ADAMTS13: variants seen among roughly 807,000 people sequenced by gnomAD.
The protein encoded by ADAMTS13 is ADAM metallopeptidase with thrombospondin type 1 motif 13, also known as A disintegrin and metalloproteinase with thrombospondin motifs 13.
A neutral mutation model predicts 155.1 loss-of-function variants in ADAMTS13; 110 were observed. That is an observed-to-expected ratio of 0.71 (90% CI 0.61 to 0.83). The LOEUF (loss-of-function observed/expected upper bound fraction) is 0.83. ADAMTS13 is among the 40% of genes least tolerant of loss of function. The pLI is 0.00. For missense variants in ADAMTS13, 1,707 were observed against 1,891.7 expected (o/e 0.90, Z 1.81); for synonymous variants, 758 against 756.4 (o/e 1.00, Z -0.03).
In ADAMTS13 at chr9:133,456,657, G is replaced by A. The variant is rs782090689; in HGVS notation, c.3662G>A (p.Arg1221Gln). Reference sequence around the variant, plus strand: ...CTGGTGGTGAGGCAGCGCTGCGGGCGGCCAGGAGGTGGGGTGCTGCTGCGG... The same window carrying A: ...CTGGTGGTGAGGCAGCGCTGCGGGCAGCCAGGAGGTGGGGTGCTGCTGCGG... The part of the protein sequence containing the change: ...NTLVVRQRCG[R>Q]PGGGVLLRYG... Residue 1221 changes from arginine (R) to glutamine (Q), a missense_variant, in exon 27 of 29, where the codon CGG becomes CAG. By Grantham distance (43) the Arg-to-Gln change is conservative. Transcript: ENST00000355699. This position sits in a 1 kb window ranked among gnomAD's most constrained non-coding sequence, Gnocchi z 4.4. 13 of 1,602,224 alleles carry A rather than the reference G, an allele frequency of 8.1e-6. No homozygotes were observed. Among genetic ancestry groups the A allele is most frequent in the Admixed American group, 3.4e-5 (2 of 58,184 alleles).
In ADAMTS13 at chr9:133,426,268, C is replaced by T. The variant is rs782718222; in HGVS notation, c.609C>T (p.Ser203=). 1.2e-6 allele frequency: 2 copies of T among 1,611,982 alleles called. No homozygotes were observed. The highest frequency in any genetic ancestry group is 1.1e-5 in the South Asian group (1 of 91,082). The change falls in exon 6 of 29, where the codon TCC becomes TCT. Residue 203 remains serine, a synonymous_variant. Coordinates refer to ENST00000355699, the MANE Select transcript of ADAMTS13 (RefSeq NM_139027.6). ...RGVTQLGGAC[S]PTWSCLITED... is the part of the protein sequence containing the mutation. ...TCACCCAGCTGGGCGGTGCCTGCTC[C>T]CCAACCTGGAGCTGCCTCATTACCG...
At position 133,456,908 on chromosome 9, in the gene ADAMTS13, T is replaced by C. The variant is rs1554796241; in HGVS notation, c.3724+189T>C. The C allele has an allele frequency of 2.7e-6, 2 of 750,402 alleles. No individual in the cohort carries two copies. The highest frequency in any genetic ancestry group is 4.6e-6 in the Non-Finnish European group (2 of 430,354). 46.5% of individuals were successfully genotyped at this position (750,402 alleles called of 1,614,324 possible). On this transcript the variant is annotated intron_variant, in intron 27 of 28. Coordinates refer to ENST00000355699, the MANE Select transcript of ADAMTS13 (RefSeq NM_139027.6). The surrounding 1 kb of genome is among the most constrained non-coding windows in gnomAD (Gnocchi z 4.4). Reference sequence around the variant, plus strand: ...TGCCAGGGAGGGGTCACAGGATGAATGCTATATCCCTCCTTTTTGGGACCG... The same window carrying C: ...TGCCAGGGAGGGGTCACAGGATGAACGCTATATCCCTCCTTTTTGGGACCG...
Position 133,426,220 on chromosome 9 carries a change from T to C in ADAMTS13, c.561T>C (p.Asp187=). The part of the protein sequence containing the change: ...YITRFDLELP[D]GNRQVRGVTQ... ...CGAGGTTTGACCTGGAGTTGCCTGATGGTAACCGGCAGGTGCGGGGCGTCA... is the reference window on the plus strand; with the variant it reads ...CGAGGTTTGACCTGGAGTTGCCTGACGGTAACCGGCAGGTGCGGGGCGTCA... Residue 187 remains aspartate (D), a synonymous_variant, in exon 6 of 29, where the codon GAT becomes GAC. Coordinates refer to ENST00000355699, the MANE Select transcript of ADAMTS13 (RefSeq NM_139027.6). 2 of 1,613,852 alleles carry C rather than the reference T, an allele frequency of 1.2e-6. No individual in the cohort carries two copies. Among genetic ancestry groups the C allele is most frequent in the Non-Finnish European group, 1.7e-6 (2 of 1,179,992 alleles).
chr9:133,440,676 C>T lies in ADAMTS13; in HGVS notation c.1968+151C>T, dbSNP rs1841606415. 1 of 968,566 alleles carries T rather than the reference C, an allele frequency of 1.0e-6. No individual in the cohort carries two copies. The highest frequency in any genetic ancestry group is 2.9e-5 in the Admixed American group (1 of 35,066). The allele number at this position is 968,566 out of a possible 1,614,324, so 60.0% of individuals were successfully genotyped here. A position where few individuals can be genotyped will look rare whatever the true frequency, so the allele number is the denominator to read the frequency against. On this transcript the variant is annotated intron_variant, in intron 16 of 28. Transcript: ENST00000355699. This position sits in a 1 kb window ranked among gnomAD's most constrained non-coding sequence, Gnocchi z 4.3. The stretch of plus-strand genomic sequence containing the variant: ...GACCCACTATGTGTTGGGCCCTGTG[C>T]TAGGCAAAATGTAGCTAGCTCCTCC...
In ADAMTS13 at chr9:133,429,984, CGGGTCCGCGGG is replaced by C; in HGVS notation, c.872_882del (p.Gly291AlafsTer95). 6.4e-7 allele frequency: 1 copy of C among 1,552,802 alleles called. No homozygotes were observed. The highest frequency in any genetic ancestry group is 8.7e-7 in the Non-Finnish European group (1 of 1,153,916). ...TGTGGGACCCGCCGCGGCCTCAACC[CGGGTCCGCGGG>C]GCACCCGCCGGATGCGCAGCCTGGC... is the stretch of plus-strand genomic sequence containing the variant. On this transcript the variant is annotated frameshift_variant, in exon 8 of 29. Coordinates refer to ENST00000355699, the MANE Select transcript of ADAMTS13 (RefSeq NM_139027.6). LOFTEE classifies it high-confidence loss of function.
In ADAMTS13 at chr9:133,430,049, G is replaced by A. The variant is rs1554786791; in HGVS notation, c.935G>A (p.Arg312His). 1 of 1,595,696 alleles carries A rather than the reference G, an allele frequency of 6.3e-7. No individual in the cohort carries two copies. Among genetic ancestry groups the A allele is most frequent in the South Asian group, 1.1e-5 (1 of 89,760 alleles). The change falls in exon 8 of 29, where the codon CGC becomes CAC. Residue 312 changes from arginine (R) to histidine (H), a missense_variant. Transcript: ENST00000355699. ...GLYYSANEQC[R>H]VAFGPKAVAC... is the part of the protein sequence containing the mutation. ...TACTACAGCGCCAACGAGCAGTGCCGCGTGGCCTTCGGCCCCAAGGCTGTC... is the reference window on the plus strand; with the variant it reads ...TACTACAGCGCCAACGAGCAGTGCCACGTGGCCTTCGGCCCCAAGGCTGTC...
chr9:133,434,304 A>T (rs1554788391), intron 11 of ADAMTS13, among the ~76,000 whole-genome samples: 2 of 151,990 alleles, frequency 1.3e-5, no homozygotes, highest in African/African-American at 4.8e-5. Flanking sequence ...GGAATTTTTT[A>T]AATATTATTT....
chr9:133,450,735 G>A (rs1459221212), intron 23 of ADAMTS13, among the ~76,000 whole-genome samples: 1 of 152,210 alleles, frequency 6.6e-6, no homozygotes, highest in Non-Finnish European at 1.5e-5. Flanking sequence ...GGGCTACAGA[G>A]CGAGACTCCG....
chr9:133,448,073 C>T (rs987754171), intron 21 of ADAMTS13, among the ~76,000 whole-genome samples: 4 of 151,856 alleles, frequency 2.6e-5, no homozygotes, highest in African/African-American at 4.8e-5. Context: ...TCACTGCAAC[C>T]TCTGCCTCCT....
In ADAMTS13 at chr9:133,425,436, T is replaced by C; in HGVS notation, c.331-93T>C. On this transcript the variant is annotated intron_variant, in intron 3 of 28. Coordinates refer to ENST00000355699, the MANE Select transcript of ADAMTS13 (RefSeq NM_139027.6). This position sits in a 1 kb window ranked among gnomAD's most constrained non-coding sequence, Gnocchi z 4.6. ...ATGCTGGTGGAGTAGCCTCTCCAGC[T>C]CTTCACACTCCGGGGGCCCCTGGGA... The C allele has an allele frequency of 9.0e-7, 1 of 1,105,082 alleles. No homozygotes were observed. Among genetic ancestry groups the C allele is most frequent in the Non-Finnish European group, 1.3e-6 (1 of 752,054 alleles). The allele number at this position is 1,105,082 out of a possible 1,614,324, so 68.5% of individuals were successfully genotyped here.
chr9:133,454,674 G>A, intron 24 of ADAMTS13, 55 bp downstream of exon 24: 2 of 1,537,020 alleles, frequency 1.3e-6, no homozygotes, highest in South Asian at 1.2e-5. Flanking sequence ...CATCAGCTGT[G>A]GCTCCTCATG....
intron 7 of ADAMTS13, among the ~76,000 whole-genome samples, 198 bp downstream of exon 7, chr9:133,428,969 A>C (rs959354605): frequency 6.2e-5 from 6 of 97,264 alleles, no homozygotes; most frequent in Non-Finnish European, 6.1e-5. Flanking sequence ...GCCTCCAGCC[A>C]GCCCGCTGGG....
In ADAMTS13 at chr9:133,433,531, T is replaced by A; in HGVS notation, c.1244+2T>A. 4 of 1,613,600 alleles carry A rather than the reference T, an allele frequency of 2.5e-6. No homozygotes were observed. In the East Asian group the frequency reaches 8.9e-5, roughly 36 times the overall value. On this transcript the variant is annotated splice_donor_variant, in intron 10 of 28. Transcript: ENST00000355699. LOFTEE classifies it high-confidence loss of function. ...GAGGCGGCAGTGCAACAACCCCAGGTACCGCAGGGAGGGTGCTTTTCTGTC... is the reference window on the plus strand; with the variant it reads ...GAGGCGGCAGTGCAACAACCCCAGGAACCGCAGGGAGGGTGCTTTTCTGTC...
intron 23 of ADAMTS13, among the ~76,000 whole-genome samples, chr9:133,451,051 C>T (rs926840134): frequency 2.0e-5 from 3 of 152,176 alleles, no homozygotes; most frequent in African/African-American, 7.2e-5. Context: ...CCGTGGGGTC[C>T]GGAGCCCAGT....
intron 15 of ADAMTS13, 123 bp downstream of exon 15, chr9:133,439,569 G>C (rs1046795950): frequency 1.2e-6 from 1 of 846,616 alleles, no homozygotes; most frequent in Non-Finnish European, 2.0e-6. Context: ...ACCACCCTCA[G>C]GCTTGATAGT....
chr9:133,446,653 G>GT (rs1325791418), intron 21 of ADAMTS13, among the ~76,000 whole-genome samples: 1 of 152,180 alleles, frequency 6.6e-6, no homozygotes, highest in Non-Finnish European at 1.5e-5. Context: ...GCAAATATCT[G>GT]TTTGAGTTCC....
chr9:133,425,401 G>T lies in ADAMTS13; in HGVS notation c.331-128G>T. ...TTTTAGGAGCCCCCCGCCCCGCCCGGTTCCCACACATGCTGGTGGAGTAGC... is the reference window on the plus strand; with the variant it reads ...TTTTAGGAGCCCCCCGCCCCGCCCGTTTCCCACACATGCTGGTGGAGTAGC... On this transcript the variant is annotated intron_variant, in intron 3 of 28. Transcript: ENST00000355699. The surrounding 1 kb of genome is among the most constrained non-coding windows in gnomAD (Gnocchi z 4.6). 1 of 756,556 alleles carries T rather than the reference G, an allele frequency of 1.3e-6. No homozygotes were observed. The allele number at this position is 756,556 out of a possible 1,614,324, so 46.9% of individuals were successfully genotyped here. A position where few individuals can be genotyped will look rare whatever the true frequency, so the allele number is the denominator to read the frequency against.
intron 11 of ADAMTS13, among the ~76,000 whole-genome samples, chr9:133,433,988 C>A (rs998516411): frequency 2.5e-4 from 38 of 151,654 alleles, no homozygotes; most frequent in African/African-American, 9.2e-4. Context: ...CCCAGCTACT[C>A]GGGAAGCTGA....
At chr9:133,419,377 A>G (rs1839853774), upstream of ADAMTS13, among the ~76,000 whole-genome samples, 1 of 152,184 alleles carries the variant, frequency 6.6e-6, no homozygotes, top group African/African-American at 2.4e-5. Context: ...AGCAGGATAT[A>G]AGATTCCTAA....
Sources: allele counts gnomAD v4.1 joint callset (sites outside exome capture counted in the v4.1 genomes callset), GRCh38; gene constraint gnomAD v4.1.1; non-coding constraint Gnocchi (gnomAD v3.1); transcripts MANE v1.5; gene names NCBI Gene and HGNC (gene_info 2026-07-23, HGNC 2026-07-21).